MAD1L1: variants seen among roughly 807,000 people sequenced by gnomAD.
MAD1L1 encodes the protein mitotic arrest deficient 1 like 1, also known as mitotic spindle assembly checkpoint protein MAD1.
Under a neutral mutation model 96.9 loss-of-function variants are expected in MAD1L1, and 95 were observed. The observed-to-expected ratio is 0.98, with a 90% CI of 0.83 to 1.16. MAD1L1 has a LOEUF of 1.16. Among genes scored for constraint, MAD1L1 ranks in the 50% most tolerant of loss-of-function variants. The probability of loss-of-function intolerance (pLI) is 0.00; values close to 1 mark genes in which losing one functional copy is unlikely to be tolerated. For synonymous variants in MAD1L1, 473 were observed against 396.6 expected (o/e 1.19, Z -2.29); for missense variants, 1,007 against 954.4 (o/e 1.06, Z -0.73).
At chr7:2,194,116 T>TG (rs1554247254) in intron 10 of MAD1L1, among the ~76,000 whole-genome samples, 103 of 151,766 alleles carry the variant, frequency 6.8e-4, no homozygotes, top group African/African-American at 2.3e-3. Context: ...GCTAATTTTT[T>TG]TGTGTGTGTG....
intron 12 of MAD1L1, among the ~76,000 whole-genome samples, chr7:2,067,363 T>C (rs1335110500): frequency 6.6e-6 from 1 of 151,966 alleles, no homozygotes; most frequent in African/African-American, 2.4e-5. Flanking sequence ...ATGAGGGACA[T>C]CTGAGATCCC....
intron 10 of MAD1L1, among the ~76,000 whole-genome samples, chr7:2,186,385 G>C (rs992251528): frequency 2.0e-5 from 3 of 152,158 alleles, no homozygotes; most frequent in Admixed American, 6.5e-5. Context: ...GTAAACACCA[G>C]ACATTTCAAG....
chr7:1,874,572 G>A (rs1284050583), intron 18 of MAD1L1: 1 of 454,164 alleles, frequency 2.2e-6, no homozygotes. Flanking sequence ...AAGCGCTGTT[G>A]AGTGGCTCTC....
intron 13 of MAD1L1, among the ~76,000 whole-genome samples, chr7:2,012,479 A>G (rs2128497333): frequency 6.6e-6 from 1 of 152,368 alleles, no homozygotes; most frequent in East Asian, 1.9e-4. Context: ...GACAGCTCCC[A>G]GGTACAGCCG....
intron 15 of MAD1L1, among the ~76,000 whole-genome samples, chr7:1,974,122 G>C (rs1263761354): frequency 6.6e-6 from 1 of 152,216 alleles, no homozygotes; most frequent in Non-Finnish European, 1.5e-5. Flanking sequence ...CCCACCGCAA[G>C]AGGAGTCCTG....
Position 2,150,743 on chromosome 7 carries a change from C to T in MAD1L1, c.987-1505G>A, listed in dbSNP as rs546240845. Among the ~76,000 whole-genome samples, 14 of 152,332 alleles carry T rather than the reference C, an allele frequency of 9.2e-5. No homozygotes were observed. In the South Asian group the frequency reaches 2.9e-3, roughly 32 times the overall value. The stretch of plus-strand genomic sequence containing the variant: ...CCAGGCCCTGAGCCCTCACACACAC[C>T]CAGGGCTGGTCATAAGCCCTCCCTC... On this transcript the variant is annotated intron_variant, in intron 10 of 18. Transcript: ENST00000265854.
At chr7:2,022,170 A>G (rs1782816697) in intron 12 of MAD1L1, among the ~76,000 whole-genome samples, 1 of 152,156 alleles carries the variant, frequency 6.6e-6, no homozygotes, top group Non-Finnish European at 1.5e-5. Flanking sequence ...GAAGTATAGG[A>G]GCAGCAATGT....
intron 18 of MAD1L1, among the ~76,000 whole-genome samples, chr7:1,835,466 T>C (rs577561127): frequency 6.6e-6 from 1 of 152,248 alleles, no homozygotes; most frequent in South Asian, 2.1e-4. Flanking sequence ...TTTAGCGAAG[T>C]TGCAAAATAA....
chr7:1,938,441 T>C (rs891009600), intron 16 of MAD1L1, among the ~76,000 whole-genome samples: 4 of 152,134 alleles, frequency 2.6e-5, no homozygotes, highest in Non-Finnish European at 4.4e-5. Flanking sequence ...ACTGACCTTA[T>C]AGAAATTAAG....
At chr7:2,220,877 T>TA in intron 5 of MAD1L1, 1 of 1,608,240 alleles carries the variant, frequency 6.2e-7, no homozygotes, top group Non-Finnish European at 8.5e-7. Context: ...ACTCAATTAA[T>TA]ACGCACCGTG....
chr7:2,226,999 AC>A (rs1793935570), intron 3 of MAD1L1, among the ~76,000 whole-genome samples: 1 of 150,714 alleles, frequency 6.6e-6, no homozygotes, highest in Admixed American at 6.6e-5. Context: ...AAAAAAAAAA[AC>A]AAAAGAATCT....
intron 12 of MAD1L1, among the ~76,000 whole-genome samples, chr7:2,055,144 G>A (rs546877002): frequency 2.4e-4 from 37 of 152,286 alleles, no homozygotes; most frequent in African/African-American, 7.0e-4. Context: ...ACAGCGAGGC[G>A]GTGCGTGCCA....
intron 11 of MAD1L1, among the ~76,000 whole-genome samples, chr7:2,126,243 C>T (rs1584384798): frequency 6.6e-6 from 1 of 152,346 alleles, no homozygotes; most frequent in African/African-American, 2.4e-5. Context: ...GTGCGCGGCC[C>T]ATGGACGGGG....
At chr7:2,011,336 C>A (rs926950890) in intron 13 of MAD1L1, among the ~76,000 whole-genome samples, 2 of 152,218 alleles carry the variant, frequency 1.3e-5, no homozygotes, top group African/African-American at 4.8e-5. Context: ...TGCAGCCGCG[C>A]CCCAACCTTC....
intron 16 of MAD1L1, among the ~76,000 whole-genome samples, chr7:1,953,856 G>A (rs1164701863): frequency 6.6e-6 from 1 of 152,260 alleles, no homozygotes; most frequent in Non-Finnish European, 1.5e-5. Context: ...GGGCACAGGT[G>A]CCGGCCCAGG....
intron 17 of MAD1L1, among the ~76,000 whole-genome samples, chr7:1,934,362 G>A (rs1789656727): frequency 1.3e-5 from 2 of 152,182 alleles, no homozygotes; most frequent in African/African-American, 2.4e-5. Flanking sequence ...CCAGACAAGA[G>A]GTTAACGAAC....
At chr7:2,099,633 G>C (rs1461322231) in intron 11 of MAD1L1, among the ~76,000 whole-genome samples, 1 of 151,946 alleles carries the variant, frequency 6.6e-6, no homozygotes, top group African/African-American at 2.4e-5. Flanking sequence ...CCGAATCTCA[G>C]AAGTCAGCAC....
chr7:2,080,110 C>T, intron 11 of MAD1L1: 1 of 194,608 alleles, frequency 5.1e-6, no homozygotes, highest in South Asian at 9.0e-5. Context: ...GGCGGGTGGG[C>T]CAGCCTCGAG....
At position 2,060,733 on chromosome 7, in the gene MAD1L1, T is replaced by C. The variant is rs138518336; in HGVS notation, c.1218+8461A>G. 1.5e-3 allele frequency among the ~76,000 whole-genome samples: 228 copies of C among 152,290 alleles called. 2 individuals are homozygous for C. Among genetic ancestry groups the C allele is most frequent in the African/African-American group, 5.1e-3 (214 of 41,556 alleles). Reference sequence around the variant, plus strand: ...GCGTGGGGAGAAGGCGGCCTTGCAATAGAGGCTGCCAGATCAACAGCATGT... The same window carrying C: ...GCGTGGGGAGAAGGCGGCCTTGCAACAGAGGCTGCCAGATCAACAGCATGT... On this transcript the variant is annotated intron_variant, in intron 12 of 18. Transcript: ENST00000265854.
Sources: gnomAD v4.1 joint callset for allele counts (sites outside exome capture counted in the v4.1 genomes callset) on GRCh38, gnomAD v4.1.1 for gene constraint, MANE v1.5 for transcripts, NCBI Gene and HGNC (gene_info 2026-07-23, HGNC 2026-07-21) for gene names.